The following CATSPERT variants were observed in gnomAD, a reference collection of about 807,000 sequenced individuals.
CATSPERT encodes the protein catsper channel auxiliary subunit tau.
the CATSPERT span, chr2:201,575,399 T>A: frequency 8.1e-7 from 1 of 1,240,620 alleles, no homozygotes; most frequent in East Asian, 2.7e-5. Context: ...AAACCAAGGG[T>A]CCCCAACCCC....
the CATSPERT span, among the ~76,000 whole-genome samples, chr2:201,590,105 A>T: frequency 6.6e-6 from 1 of 152,028 alleles, no homozygotes; most frequent in Admixed American, 6.6e-5. Context: ...CTCTAGCATT[A>T]GGTATATCTC....
At chr2:201,522,457 A>G in the CATSPERT span, among the ~76,000 whole-genome samples, 1 of 152,018 alleles carries the variant, frequency 6.6e-6, no homozygotes, top group South Asian at 2.1e-4. Context: ...AGGCATTGAG[A>G]GTGGATGGAG....
chr2:201,487,825 C>G, the CATSPERT span: 11 of 1,614,010 alleles, frequency 6.8e-6, no homozygotes, highest in East Asian at 8.9e-5. Context: ...TTCCTAAAAG[C>G]CTTGATCTTG....
the CATSPERT span, among the ~76,000 whole-genome samples, chr2:201,578,709 A>G: frequency 6.6e-6 from 1 of 152,178 alleles, no homozygotes; most frequent in Non-Finnish European, 1.5e-5. Flanking sequence ...AAATATTAGC[A>G]TATTATTCAT....
the CATSPERT span, among the ~76,000 whole-genome samples, chr2:201,542,003 C>T: frequency 6.6e-6 from 1 of 152,146 alleles, no homozygotes; most frequent in East Asian, 1.9e-4. Context: ...ATGCAATCCT[C>T]CTGCCTTGGC....
the CATSPERT span, chr2:201,537,440 T>C: frequency 3.8e-6 from 6 of 1,590,556 alleles, 1 homozygote; most frequent in South Asian, 6.9e-5. Context: ...CCTTACCTCA[T>C]TTGCAGTAGT....
the CATSPERT span, among the ~76,000 whole-genome samples, chr2:201,570,462 G>A: frequency 5.1e-4 from 78 of 152,236 alleles, no homozygotes; most frequent in African/African-American, 1.7e-3. Flanking sequence ...TTTATAAATA[G>A]GTAACAACTA....
At chr2:201,594,541 G>A in the CATSPERT span, among the ~76,000 whole-genome samples, 19 of 152,206 alleles carry the variant, frequency 1.2e-4, no homozygotes, top group South Asian at 1.0e-3. Context: ...GCTAGATTGG[G>A]GAAGTTCTCC....
the CATSPERT span, among the ~76,000 whole-genome samples, chr2:201,497,949 C>T: frequency 3.9e-5 from 6 of 152,034 alleles, no homozygotes; most frequent in Admixed American, 6.6e-5. Flanking sequence ...TGAGAAAATA[C>T]AGAAAATATG....
At chr2:201,503,535 T>C in the CATSPERT span, among the ~76,000 whole-genome samples, 2 of 152,046 alleles carry the variant, frequency 1.3e-5, no homozygotes, top group Admixed American at 6.6e-5. Flanking sequence ...GCTGGAACTA[T>C]AGGGGGGCAC....
the CATSPERT span, chr2:201,553,054 A>G: frequency 2.0e-5 from 3 of 152,216 alleles, no homozygotes; most frequent in African/African-American, 7.2e-5. Flanking sequence ...AGTGCACTGC[A>G]AGGCCTCCAT....
chr2:201,563,170 G>T, the CATSPERT span, among the ~76,000 whole-genome samples: 32 of 57,774 alleles, frequency 5.5e-4, no homozygotes, highest in East Asian at 3.0e-3. Flanking sequence ...CCTCCCGGAC[G>T]GGGCGGCTGG....
At chr2:201,499,252 G>A in the CATSPERT span, among the ~76,000 whole-genome samples, 1 of 152,160 alleles carries the variant, frequency 6.6e-6, no homozygotes, top group African/African-American at 2.4e-5. Flanking sequence ...TAGGAGGAGG[G>A]TGACCCTTGG....
At chr2:201,492,879 T>C in the CATSPERT span, 1 of 1,536,646 alleles carries the variant, frequency 6.5e-7, no homozygotes, top group Non-Finnish European at 8.7e-7. Flanking sequence ...GCTGGATTTG[T>C]TTACTTAATT....
chr2:201,601,949 T>C, the CATSPERT span: 4 of 1,223,308 alleles, frequency 3.3e-6, no homozygotes, highest in African/African-American at 6.2e-5. Flanking sequence ...CATTATAAAA[T>C]TAATACATTA....
chr2:201,534,338 T>C, the CATSPERT span: 2 of 905,122 alleles, frequency 2.2e-6, no homozygotes, highest in South Asian at 1.0e-4. Context: ...TAATAAAACA[T>C]CTTTTTTAAT....
chr2:201,490,347 T>G, the CATSPERT span, among the ~76,000 whole-genome samples: 1 of 152,228 alleles, frequency 6.6e-6, no homozygotes, highest in Non-Finnish European at 1.5e-5. Context: ...TTCATATTTG[T>G]TTAACTGAAG....
At chr2:201,573,896 A>G in the CATSPERT span, among the ~76,000 whole-genome samples, 2 of 152,164 alleles carry the variant, frequency 1.3e-5, no homozygotes, top group African/African-American at 4.8e-5. Flanking sequence ...GCCTCAGGTG[A>G]TTCACCCACC....
At chr2:201,514,626 C>T in the CATSPERT span, among the ~76,000 whole-genome samples, 15 of 152,202 alleles carry the variant, frequency 9.9e-5, no homozygotes, top group Middle Eastern at 3.4e-3. Context: ...TAATGGGTGA[C>T]GATTACACAA....
Sources: gnomAD v4.1 joint callset for allele counts (sites outside exome capture counted in the v4.1 genomes callset) on GRCh38, gnomAD v4.1.1 for gene constraint, MANE v1.5 for transcripts, NCBI Gene and HGNC (gene_info 2026-07-23, HGNC 2026-07-21) for gene names.